PCDHGA5: variants seen among roughly 807,000 people sequenced by gnomAD.
PCDHGA5 encodes protocadherin gamma-A5.
A neutral mutation model predicts 56.7 loss-of-function variants in PCDHGA5; 36 were observed. That is an observed-to-expected ratio of 0.64 (90% CI 0.49 to 0.84). The LOEUF is 0.84. Ranked by LOEUF, PCDHGA5 falls within the 40% of genes least tolerant of loss-of-function variation. The pLI is 0.00. For synonymous variants in PCDHGA5, 563 were observed against 520.2 expected (o/e 1.08, Z -1.12); for missense variants, 1,305 against 1,201.5 (o/e 1.09, Z -1.27).
In PCDHGA5 at chr5:141,366,296, G is replaced by A. The variant is rs776172631; in HGVS notation, c.1966G>A (p.Ala656Thr). The stretch of plus-strand genomic sequence containing the variant: ...AGACCATGGCCAGCCCCCTCTGTCA[G>A]CCACCTTCACGGTCACCGTTGCCGT... ...VEDHGQPPLS[A>T]TFTVTVAVAD... Residue 656 changes from alanine to threonine, a missense_variant, in exon 1 of 4, where the codon GCC becomes ACC. Physicochemically the swap from Ala to Thr is moderately conservative, Grantham distance 58 (BLOSUM62 0). Transcript: ENST00000518069. 6.2e-6 allele frequency: 10 copies of A among 1,613,616 alleles called. No homozygotes were observed. Among genetic ancestry groups the A allele is most frequent in the African/African-American group, 2.7e-5 (2 of 74,958 alleles).
intron 2 of PCDHGA5, among the ~76,000 whole-genome samples, chr5:141,503,570 G>T (rs996006002): frequency 3.4e-4 from 50 of 147,216 alleles, no homozygotes; most frequent in African/African-American, 1.2e-3. Context: ...CTGTACTCCA[G>T]CCTGGGTGAC....
intron 1 of PCDHGA5, chr5:141,409,843 C>G: frequency 6.2e-7 from 1 of 1,611,804 alleles, no homozygotes; most frequent in Non-Finnish European, 8.5e-7. Context: ...CCAACGTGAG[C>G]CTGCGCGTGT....
chr5:141,443,104 C>A (rs950011995), intron 1 of PCDHGA5, among the ~76,000 whole-genome samples: 1 of 151,854 alleles, frequency 6.6e-6, no homozygotes, highest in East Asian at 1.9e-4. Flanking sequence ...TCAAGCTGAA[C>A]CTTGCTTTTC....
intron 1 of PCDHGA5, chr5:141,371,891 G>C (rs771271665): frequency 3.0e-5 from 48 of 1,613,328 alleles, no homozygotes; most frequent in Non-Finnish European, 3.9e-5. Context: ...TGGAGCCGCG[G>C]GAGCTGTCGT....
intron 1 of PCDHGA5, among the ~76,000 whole-genome samples, chr5:141,433,378 T>C (rs1246585250): frequency 6.6e-5 from 10 of 151,072 alleles, no homozygotes. Context: ...TATCTATCTA[T>C]CTATCTATCT....
intron 1 of PCDHGA5, chr5:141,400,337 C>T: frequency 6.2e-7 from 1 of 1,614,080 alleles, no homozygotes; most frequent in Non-Finnish European, 8.5e-7. Context: ...GTGGTTCCCC[C>T]CAACTACAGT....
intron 1 of PCDHGA5, chr5:141,419,816 C>T (rs910172118): frequency 1.2e-6 from 2 of 1,614,058 alleles, no homozygotes; most frequent in Non-Finnish European, 8.5e-7. Context: ...AGGACAGCCA[C>T]CCCTTTCAGC....
intron 1 of PCDHGA5, among the ~76,000 whole-genome samples, chr5:141,455,423 CA>C (rs2098822271): frequency 6.6e-6 from 1 of 152,040 alleles, no homozygotes; most frequent in Non-Finnish European, 1.5e-5. Flanking sequence ...AGCGGGGCTC[CA>C]AAAGAGGAGG....
intron 1 of PCDHGA5, chr5:141,393,608 A>G: frequency 6.2e-7 from 1 of 1,613,986 alleles, no homozygotes; most frequent in Non-Finnish European, 8.5e-7. Context: ...TTACTGTAAC[A>G]GCCAGCGACC....
At chr5:141,492,449 T>C (rs1045043841) in intron 1 of PCDHGA5, among the ~76,000 whole-genome samples, 50 of 152,314 alleles carry the variant, frequency 3.3e-4, no homozygotes, top group African/African-American at 1.2e-3. Flanking sequence ...TAGCTGATTG[T>C]GCGCGCCTGA....
rs1446853595 is a variant in PCDHGA5 at position 141,491,363 on chromosome 5, C to A, written c.2422-3444C>A. The A allele has an allele frequency of 1.2e-6, 2 of 1,614,182 alleles. No homozygotes were observed. Among genetic ancestry groups the A allele is most frequent in the South Asian group, 2.2e-5 (2 of 91,082 alleles). On this transcript the variant is annotated intron_variant, in intron 1 of 3. Coordinates refer to ENST00000518069, the MANE Select transcript of PCDHGA5 (RefSeq NM_018918.3). The surrounding 1 kb of genome is among the most constrained non-coding windows in gnomAD (Gnocchi z 6.9). ...ACCGTCAGTCTCTTATCCCTAGTCA[C>A]CTTCACCTTTCTGTCAGCGAAGTGC...
chr5:141,401,512 A>G (rs556332375), intron 1 of PCDHGA5, among the ~76,000 whole-genome samples: 2 of 152,374 alleles, frequency 1.3e-5, no homozygotes, highest in South Asian at 4.1e-4. Context: ...CCACCTCTAT[A>G]TAATTACCAG....
intron 1 of PCDHGA5, chr5:141,419,492 A>G: frequency 6.2e-7 from 1 of 1,612,358 alleles, no homozygotes; most frequent in South Asian, 1.1e-5. Flanking sequence ...GCTCAGCGCC[A>G]ATGTGAGCCT....
In PCDHGA5 at chr5:141,432,751, G is replaced by A; in HGVS notation, c.2422-62056G>A. The A allele has an allele frequency of 6.2e-7, 1 of 1,614,130 alleles. No homozygotes were observed. Among genetic ancestry groups the A allele is most frequent in the Non-Finnish European group, 8.5e-7 (1 of 1,179,982 alleles). Reference sequence around the variant, plus strand: ...CCACTGTCACGCTCACCGTGGCCGTGGCCGACAGCATCCCCCAAGTCCTGG... The same window carrying A: ...CCACTGTCACGCTCACCGTGGCCGTAGCCGACAGCATCCCCCAAGTCCTGG... On this transcript the variant is annotated intron_variant, in intron 1 of 3. Transcript: ENST00000518069. This position sits in a 1 kb window ranked among gnomAD's most constrained non-coding sequence, Gnocchi z 6.0.
intron 3 of PCDHGA5, among the ~76,000 whole-genome samples, chr5:141,510,566 A>G (rs2154594633): frequency 6.6e-6 from 1 of 152,288 alleles, no homozygotes; most frequent in South Asian, 2.1e-4. Flanking sequence ...TACATCTACC[A>G]GGCACTATTT....
intron 1 of PCDHGA5, chr5:141,405,417 TTTTTG>T (rs767701229): frequency 7.0e-6 from 11 of 1,563,080 alleles, no homozygotes; most frequent in Non-Finnish European, 8.7e-6. Flanking sequence ...CTTTTTTTGT[TTTTTG>T]TTTTGTTTTG....
intron 1 of PCDHGA5, chr5:141,372,625 G>T: frequency 6.2e-7 from 1 of 1,614,000 alleles, no homozygotes; most frequent in Non-Finnish European, 8.5e-7. Flanking sequence ...CCCACCTACA[G>T]CGAAAGGACT....
chr5:141,401,508 C>G (rs2094162050), intron 1 of PCDHGA5, among the ~76,000 whole-genome samples: 1 of 152,302 alleles, frequency 6.6e-6, no homozygotes, highest in East Asian at 1.9e-4. Flanking sequence ...TTTTCCACCT[C>G]TATATAATTA....
rs1236013576 is a variant in PCDHGA5 at position 141,375,392 on chromosome 5, A to G, written c.2421+8641A>G. On this transcript the variant is annotated intron_variant, in intron 1 of 3. Transcript: ENST00000518069. ...AACACCACCTCTGTCTACAGAAACA[A>G]TCATCTCTCTAAATGTGGCAGACAC... 33 of 1,613,850 alleles carry G rather than the reference A, an allele frequency of 2.0e-5. 1 individual carries two copies. Among genetic ancestry groups the G allele is most frequent in the African/African-American group, 4.0e-5 (3 of 74,932 alleles).
Sources: allele counts gnomAD v4.1 joint callset (sites outside exome capture counted in the v4.1 genomes callset), GRCh38; gene constraint gnomAD v4.1.1; non-coding constraint Gnocchi (gnomAD v3.1); transcripts MANE v1.5; gene names NCBI Gene and HGNC (gene_info 2026-07-23, HGNC 2026-07-21).